VSNL1: variants seen among roughly 807,000 people sequenced by gnomAD.
VSNL1 encodes visinin-like protein 1.
VSNL1 carries 6 observed loss-of-function variants against 20.4 expected under a neutral mutation model. The observed-to-expected ratio is 0.29, with a 90% CI of 0.16 to 0.58. The LOEUF is 0.58. Ranked by LOEUF, VSNL1 falls within the 20% of genes least tolerant of loss-of-function variation. VSNL1 has a pLI of 0.90. For missense variants in VSNL1, 100 were observed against 234.5 expected, an observed-to-expected ratio of 0.43 and a Z score of 3.75; for synonymous variants, 93 against 86.4, an observed-to-expected ratio of 1.08 and a Z score of -0.42.
intron 2 of VSNL1, among the ~76,000 whole-genome samples, chr2:17,646,742 T>A (rs1343191550): frequency 6.6e-6 from 1 of 152,084 alleles, no homozygotes; most frequent in Non-Finnish European, 1.5e-5. Flanking sequence ...ATACATTGAG[T>A]TAAAAAGAAA....
intron 1 of VSNL1, among the ~76,000 whole-genome samples, chr2:17,576,182 G>A (rs1225935059): frequency 6.6e-6 from 1 of 152,172 alleles, no homozygotes; most frequent in Non-Finnish European, 1.5e-5. Flanking sequence ...TGTAATTATA[G>A]AGTGTGTTTA....
chr2:17,642,509 C>G (rs533461229), intron 2 of VSNL1, among the ~76,000 whole-genome samples: 1 of 151,958 alleles, frequency 6.6e-6, no homozygotes, highest in Non-Finnish European at 1.5e-5. Flanking sequence ...AGGGTTTCAC[C>G]GTGTTAGCCA....
intron 1 of VSNL1, among the ~76,000 whole-genome samples, chr2:17,542,061 G>A (rs148880106): frequency 6.6e-6 from 1 of 152,248 alleles, no homozygotes; most frequent in African/African-American, 2.4e-5. Flanking sequence ...TCCAGTTGAA[G>A]GCAAGAAAAG....
chr2:17,649,148 G>A lies in VSNL1; in HGVS notation c.163-262G>A, dbSNP rs1026399967. 3.9e-5 allele frequency among the ~76,000 whole-genome samples: 6 copies of A among 152,118 alleles called. No individual in the cohort carries two copies. The highest frequency in any genetic ancestry group is 1.9e-4 in the East Asian group (1 of 5,190). On this transcript the variant is annotated intron_variant, in intron 2 of 3. Coordinates refer to ENST00000295156, the MANE Select transcript of VSNL1 (RefSeq NM_003385.5). The surrounding 1 kb of genome is among the most constrained non-coding windows in gnomAD (Gnocchi z 6.4). Reference sequence around the variant, plus strand: ...TAGCATCAGGTGGTGCTTGTTGACCGATTCCAAGCCCCATCAACTGAAAGC... The same window carrying A: ...TAGCATCAGGTGGTGCTTGTTGACCAATTCCAAGCCCCATCAACTGAAAGC...
At chr2:17,599,562 G>A (rs1351448708) in intron 2 of VSNL1, among the ~76,000 whole-genome samples, 1 of 152,158 alleles carries the variant, frequency 6.6e-6, no homozygotes, top group African/African-American at 2.4e-5. Context: ...TACTTCTGGG[G>A]CTTCTGCCAT....
chr2:17,570,902 G>T (rs926679367), intron 1 of VSNL1, among the ~76,000 whole-genome samples: 3 of 152,068 alleles, frequency 2.0e-5, no homozygotes, highest in Non-Finnish European at 4.4e-5. Flanking sequence ...AGGTGCGGTG[G>T]TGGCGCCTGT....
At chr2:17,648,377 G>C (rs1487387807) in intron 2 of VSNL1, among the ~76,000 whole-genome samples, 3 of 152,208 alleles carry the variant, frequency 2.0e-5, no homozygotes, top group African/African-American at 7.2e-5. Flanking sequence ...CCCAGAGTGG[G>C]CAAAGAGGCC....
intron 1 of VSNL1, among the ~76,000 whole-genome samples, chr2:17,580,707 T>A (rs367630296): frequency 6.6e-6 from 1 of 152,354 alleles, no homozygotes; most frequent in African/African-American, 2.4e-5. Flanking sequence ...AAAGTGTTTC[T>A]CACTATTAAT....
chr2:17,578,611 A>G (rs1216640301), intron 1 of VSNL1, among the ~76,000 whole-genome samples: 1 of 152,176 alleles, frequency 6.6e-6, no homozygotes. Flanking sequence ...AGCACATGCT[A>G]CCTGTGCTCT....
intron 2 of VSNL1, among the ~76,000 whole-genome samples, chr2:17,647,860 G>A (rs1467244621): frequency 2.0e-5 from 3 of 152,110 alleles, no homozygotes; most frequent in Admixed American, 6.5e-5. Context: ...CACCCAAGAC[G>A]AGGCCCGACA....
At chr2:17,587,904 C>T (rs1664514813) in intron 1 of VSNL1, among the ~76,000 whole-genome samples, 2 of 152,110 alleles carry the variant, frequency 1.3e-5, no homozygotes, top group African/African-American at 4.8e-5. Context: ...TGCACAAAAG[C>T]CTTTTGTAAA....
At chr2:17,587,074 G>T (rs1234134621) in intron 1 of VSNL1, among the ~76,000 whole-genome samples, 10 of 152,158 alleles carry the variant, frequency 6.6e-5, no homozygotes, top group Non-Finnish European at 1.5e-4. Flanking sequence ...AGCCCCTAAA[G>T]CCCTTTCTTC....
chr2:17,654,065 T>C (rs1390171507), intron 3 of VSNL1, among the ~76,000 whole-genome samples: 1 of 152,356 alleles, frequency 6.6e-6, no homozygotes, highest in African/African-American at 2.4e-5. Flanking sequence ...GCTAAAATAG[T>C]ATATATTTTT....
At chr2:17,595,031 C>T (rs1207124947) in intron 2 of VSNL1, among the ~76,000 whole-genome samples, 1 of 152,224 alleles carries the variant, frequency 6.6e-6, no homozygotes, top group Non-Finnish European at 1.5e-5. Flanking sequence ...GCCAAACTCC[C>T]AGGGCAGCTC....
intron 2 of VSNL1, among the ~76,000 whole-genome samples, chr2:17,641,962 T>C (rs892375388): frequency 3.3e-5 from 5 of 152,210 alleles, no homozygotes; most frequent in Admixed American, 6.5e-5. Flanking sequence ...ACATCCCTTC[T>C]TTTTTAAAAA....
intron 1 of VSNL1, among the ~76,000 whole-genome samples, chr2:17,542,378 C>T (rs1454551336): frequency 6.6e-6 from 1 of 152,090 alleles, no homozygotes; most frequent in Non-Finnish European, 1.5e-5. Context: ...ATGGCTAGTG[C>T]GTGCTGGATT....
At chr2:17,575,043 G>A (rs1664172836) in intron 1 of VSNL1, among the ~76,000 whole-genome samples, 1 of 152,096 alleles carries the variant, frequency 6.6e-6, no homozygotes, top group Non-Finnish European at 1.5e-5. Flanking sequence ...TACCCAGGCT[G>A]GTCTCAAGCT....
chr2:17,554,469 C>G (rs979229265), intron 1 of VSNL1, among the ~76,000 whole-genome samples: 1 of 152,086 alleles, frequency 6.6e-6, no homozygotes, highest in African/African-American at 2.4e-5. Flanking sequence ...TTGTCATTGT[C>G]TAGGATTAGA....
chr2:17,643,640 A>T (rs1277436880), intron 2 of VSNL1, among the ~76,000 whole-genome samples: 1 of 152,210 alleles, frequency 6.6e-6, no homozygotes, highest in Non-Finnish European at 1.5e-5. Context: ...TTTAGCTTAC[A>T]GTCTACTAGG....
Sources: gnomAD v4.1 joint callset for allele counts (sites outside exome capture counted in the v4.1 genomes callset) on GRCh38, gnomAD v4.1.1 for gene constraint, Gnocchi (gnomAD v3.1) non-coding constraint, MANE v1.5 for transcripts, NCBI Gene and HGNC (gene_info 2026-07-23, HGNC 2026-07-21) for gene names.